The following ADGRE3 variants were observed in gnomAD, a reference collection of about 807,000 sequenced individuals.
The protein encoded by ADGRE3 is EGF-like module receptor 3.
ADGRE3 carries 88 observed loss-of-function variants against 80.1 expected under a neutral mutation model. That is an observed-to-expected ratio of 1.10 (90% CI 0.93 to 1.31). The LOEUF (loss-of-function observed/expected upper bound fraction) is 1.31. ADGRE3 is among the 40% of genes most tolerant of loss of function. The pLI, the probability that ADGRE3 is intolerant of heterozygous loss-of-function variation, is 0.00. For missense variants in ADGRE3, 715 were observed against 776.5 expected, an observed-to-expected ratio of 0.92 and a Z score of 0.94; for synonymous variants, 281 against 294.8, an observed-to-expected ratio of 0.95 and a Z score of 0.48.
the ADGRE3 span, among the ~76,000 whole-genome samples, chr19:14,609,093 C>A: frequency 6.6e-6 from 1 of 152,182 alleles, no homozygotes; most frequent in Non-Finnish European, 1.5e-5. Flanking sequence ...TGCCACCGCA[C>A]CTGGCGGAAC....
At chr19:14,651,559 C>A (rs145710515) in intron 6 of ADGRE3, among the ~76,000 whole-genome samples, 1 of 152,114 alleles carries the variant, frequency 6.6e-6, no homozygotes, top group South Asian at 2.1e-4. Flanking sequence ...TTCCTGAAAC[C>A]AAGTTCTTAA....
the ADGRE3 span, among the ~76,000 whole-genome samples, chr19:14,612,117 C>G: frequency 6.6e-6 from 1 of 152,318 alleles, no homozygotes; most frequent in East Asian, 1.9e-4. Context: ...TGTTCCTTGT[C>G]TACTGTGTGT....
At chr19:14,628,707 G>GACT (rs1970796174) in intron 14 of ADGRE3, 2 of 385,996 alleles carry the variant, frequency 5.2e-6, no homozygotes, top group Non-Finnish European at 1.0e-5. Flanking sequence ...TGCAATAGCA[G>GACT]ACTGGGATGG....
At chr19:14,656,400 G>A (rs549286486) in intron 5 of ADGRE3, among the ~76,000 whole-genome samples, 2 of 149,420 alleles carry the variant, frequency 1.3e-5, no homozygotes, top group African/African-American at 4.9e-5. Context: ...AAGTAGAACA[G>A]CTCTCTCCCT....
chr19:14,625,726 C>T (rs73506106), intron 14 of ADGRE3, 127 bp from the exon 15 acceptor site: 51,379 of 635,834 alleles, frequency 0.081, 2,654 homozygotes, highest in African/African-American at 0.17. Context: ...ATGGTCTATT[C>T]GTACAATGGA....
At chr19:14,631,225 T>C (rs1375112032) in intron 13 of ADGRE3, among the ~76,000 whole-genome samples, 2 of 152,034 alleles carry the variant, frequency 1.3e-5, no homozygotes, top group Non-Finnish European at 2.9e-5. Flanking sequence ...CAAAAGGAGG[T>C]GTACTGTTCC....
At chr19:14,662,575 G>A (rs1317406746) in intron 3 of ADGRE3, among the ~76,000 whole-genome samples, 2 of 151,962 alleles carry the variant, frequency 1.3e-5, no homozygotes, top group Non-Finnish European at 2.9e-5. Context: ...TAGTAGACAC[G>A]GGGTTTCACT....
the ADGRE3 span, among the ~76,000 whole-genome samples, chr19:14,611,428 A>C: frequency 7.9e-6 from 1 of 126,268 alleles, no homozygotes; most frequent in Non-Finnish European, 1.6e-5. Context: ...CCCAGGCTGG[A>C]GTGCAGTGGC....
At chr19:14,646,821 A>G (rs2146854326) in intron 8 of ADGRE3, among the ~76,000 whole-genome samples, 1 of 150,902 alleles carries the variant, frequency 6.6e-6, no homozygotes, top group East Asian at 1.9e-4. Context: ...CCCAGGCTGG[A>G]GTGCAGTGGT....
the ADGRE3 span, chr19:14,610,064 C>T: frequency 6.2e-7 from 1 of 1,612,760 alleles, no homozygotes. Flanking sequence ...CTCCATCCAG[C>T]TTCTGGGAGC....
At chr19:14,623,514 C>A (rs935768457) in intron 15 of ADGRE3, among the ~76,000 whole-genome samples, 5 of 152,150 alleles carry the variant, frequency 3.3e-5, no homozygotes, top group Admixed American at 6.5e-5. Context: ...AATGGAAGAA[C>A]AGAATACCAG....
intron 8 of ADGRE3, among the ~76,000 whole-genome samples, chr19:14,646,807 G>A (rs1971421436): frequency 6.7e-6 from 1 of 148,754 alleles, no homozygotes; most frequent in Non-Finnish European, 1.5e-5. Context: ...GTCTTGCTCT[G>A]TGCCCCAGGC....
chr19:14,651,396 T>C (rs1971604149), intron 6 of ADGRE3, among the ~76,000 whole-genome samples, 192 bp from the exon 7 acceptor site: 1 of 152,080 alleles, frequency 6.6e-6, no homozygotes. Context: ...AAAATGTTCA[T>C]AGCAACATAA....
At chr19:14,643,900 G>A (rs1971324134) in intron 9 of ADGRE3, among the ~76,000 whole-genome samples, 1 of 151,990 alleles carries the variant, frequency 6.6e-6, no homozygotes. Context: ...TAGCAGAGAT[G>A]GGTTTTTGCC....
Position 14,647,235 on chromosome 19 carries a change from G to T in ADGRE3, c.828C>A (p.Pro276=). 6.2e-7 allele frequency: 1 copy of T among 1,613,900 alleles called. No homozygotes were observed. The highest frequency in any genetic ancestry group is 8.5e-7 in the Non-Finnish European group (1 of 1,179,928). The change falls in exon 8 of 16, where the codon CCC becomes CCA. Residue 276 remains proline (P), a synonymous_variant. Coordinates refer to ENST00000253673, the MANE Select transcript of ADGRE3 (RefSeq NM_032571.5). ...ACTTGGAGAGAGACACGTTCCTTTT[G>T]GGTCCAATAGCAGCACTCACAACCT... The part of the protein sequence containing the change: ...NSQVVSAAIG[P]KRNVSLSKSV...
chr19:14,660,661 G>A (rs776642320), intron 4 of ADGRE3, among the ~76,000 whole-genome samples: 10 of 151,140 alleles, frequency 6.6e-5, no homozygotes, highest in Non-Finnish European at 1.3e-4. Flanking sequence ...TTATCCCTAC[G>A]GTAGTCAATA....
chr19:14,603,284 T>A, the ADGRE3 span, among the ~76,000 whole-genome samples: 1 of 152,288 alleles, frequency 6.6e-6, no homozygotes, highest in South Asian at 2.1e-4. Context: ...CATCGGGTCT[T>A]TGCTGTCTTT....
At chr19:14,615,633 G>T (rs183628832), downstream of ADGRE3, among the ~76,000 whole-genome samples, 28 of 151,354 alleles carry the variant, frequency 1.8e-4, no homozygotes, top group Non-Finnish European at 3.4e-4. Flanking sequence ...GTGGTGGTGC[G>T]TGCCTGTAAT....
the ADGRE3 span, among the ~76,000 whole-genome samples, chr19:14,609,802 C>T: frequency 6.6e-6 from 1 of 151,494 alleles, no homozygotes; most frequent in Non-Finnish European, 1.5e-5. Flanking sequence ...CACGCCACTG[C>T]ACTCCAGCCT....
Sources: allele counts gnomAD v4.1 joint callset (sites outside exome capture counted in the v4.1 genomes callset), GRCh38; gene constraint gnomAD v4.1.1; transcripts MANE v1.5; gene names NCBI Gene and HGNC (gene_info 2026-07-23, HGNC 2026-07-21).